Variants in KMT2C observed in about 807,000 individuals in gnomAD.
The protein encoded by KMT2C is lysine methyltransferase 2C, also known as histone-lysine N-methyltransferase 2C.
In KMT2C, 88 loss-of-function variants were observed where a neutral mutation model predicts 507.9. The ratio of observed to expected loss-of-function variants is 0.17; its 90% CI spans 0.15 to 0.21. KMT2C has a LOEUF of 0.21. KMT2C is among the 10% of genes least tolerant of loss of function. The probability of loss-of-function intolerance (pLI) is 1.00; values close to 1 mark genes in which losing one functional copy is unlikely to be tolerated. For synonymous variants in KMT2C, 2,049 were observed against 2,080.8 expected, an observed-to-expected ratio of 0.98 and a Z score of 0.42; for missense variants, 4,954 against 5,957.8, an observed-to-expected ratio of 0.83 and a Z score of 5.55.
At chr7:152,156,826 A>C (rs1201325799) in intron 44 of KMT2C, among the ~76,000 whole-genome samples, 1 of 152,162 alleles carries the variant, frequency 6.6e-6, no homozygotes, top group African/African-American at 2.4e-5. Flanking sequence ...GGATTGACTA[A>C]GACCTTTAAA....
chr7:152,215,444 G>A (rs2094549862), intron 23 of KMT2C, among the ~76,000 whole-genome samples: 1 of 149,428 alleles, frequency 6.7e-6, no homozygotes, highest in Non-Finnish European at 1.5e-5. Flanking sequence ...AACCCAGGAG[G>A]CGGAGCTTGC....
chr7:152,368,146 CA>C, intron 1 of KMT2C: 1 of 925,780 alleles, frequency 1.1e-6, no homozygotes, highest in Admixed American at 1.7e-5. Context: ...CAAAGGAAGG[CA>C]GTATCCTTGG....
At chr7:152,420,468 C>T (rs1237695554) in intron 1 of KMT2C, among the ~76,000 whole-genome samples, 1 of 152,146 alleles carries the variant, frequency 6.6e-6, no homozygotes, top group East Asian at 1.9e-4. Context: ...GGAACTTCTG[C>T]ACAGCAAAAG....
At chr7:152,432,601 T>C (rs1344099872) in intron 1 of KMT2C, among the ~76,000 whole-genome samples, 8 of 152,226 alleles carry the variant, frequency 5.3e-5, no homozygotes, top group African/African-American at 1.9e-4. Context: ...CTAAGATTAA[T>C]AGCTTCAGTT....
intron 14 of KMT2C, among the ~76,000 whole-genome samples, chr7:152,245,279 A>G (rs1211366418): frequency 1.3e-5 from 2 of 152,162 alleles, no homozygotes; most frequent in Admixed American, 1.3e-4. Flanking sequence ...TAATTCCGGA[A>G]CTGCTGTTTT....
In KMT2C at chr7:152,199,324, G is replaced by T. The variant is rs1369706727; in HGVS notation, c.4228C>A (p.Pro1410Thr). ...NTGFLDPSLD[P>T]LLSSSSAPTK... ...GGAGCCGAGGATGAACTAAGTAGTG[G>T]ATCTAAGGAAGGATCCAAGAAACCT... is the stretch of plus-strand genomic sequence containing the variant. Residue 1410 changes from proline (P) to threonine (T), a missense_variant, in exon 27 of 59, where the codon CCA becomes ACA. This residue lies in a region of KMT2C where 140 missense variants were observed against 118.4 expected (regional missense o/e 1.18). Coordinates refer to ENST00000262189, the MANE Select transcript of KMT2C (RefSeq NM_170606.3). 1.9e-6 allele frequency: 3 copies of T among 1,601,624 alleles called. No individual in the cohort carries two copies. The highest frequency in any genetic ancestry group is 2.6e-6 in the Non-Finnish European group (3 of 1,175,902).
chr7:152,377,602 G>A (rs1159332161), intron 1 of KMT2C, among the ~76,000 whole-genome samples: 8 of 152,004 alleles, frequency 5.3e-5, no homozygotes, highest in Non-Finnish European at 1.2e-4. Context: ...GGGCGTGGTG[G>A]CACACACCTG....
intron 1 of KMT2C, among the ~76,000 whole-genome samples, chr7:152,363,175 GTTT>G (rs1437483587): frequency 2.0e-5 from 3 of 152,168 alleles, no homozygotes; most frequent in African/African-American, 7.2e-5. Context: ...TCCAGTTTCA[GTTT>G]TTAAGGAAAG....
At position 152,182,093 on chromosome 7, in the gene KMT2C, C is replaced by T. The variant is rs779901881; in HGVS notation, c.5767G>A (p.Val1923Met). The T allele has an allele frequency of 1.2e-6, 2 of 1,614,204 alleles. No homozygotes were observed. The highest frequency in any genetic ancestry group is 2.2e-5 in the East Asian group (1 of 44,892). The stretch of plus-strand genomic sequence containing the variant: ...GATGATAAAGGTGTACAGTTTTCCA[C>T]TGGTGCAGCAGAATTTCTTCTGGAA... Reference protein sequence around the residue: ...SFSRRNSAAPVENCTPLSSVS... With the variant: ...SFSRRNSAAPMENCTPLSSVS... Residue 1923 changes from valine (V) to methionine (M), a missense_variant, in exon 36 of 59, where the codon GTG (valine) becomes ATG (methionine). By Grantham distance (21) the Val-to-Met change is conservative (BLOSUM62 1). This residue lies in a region of KMT2C where 1,689 missense variants were observed against 1,654.3 expected (regional missense o/e 1.02). Transcript: ENST00000262189.
chr7:152,241,161 CTA>C (rs2095375175), intron 14 of KMT2C, among the ~76,000 whole-genome samples: 1 of 152,168 alleles, frequency 6.6e-6, no homozygotes, highest in South Asian at 2.1e-4. Context: ...GAACACTTCA[CTA>C]TATCATTCCA....
In KMT2C at chr7:152,181,069, G is replaced by A. The variant is rs780064766; in HGVS notation, c.6791C>T (p.Pro2264Leu). The change falls in exon 36 of 59, where the codon CCG becomes CTG. Residue 2264 changes from proline to leucine, a missense_variant. Around this residue, in one of 29 missense-constraint regions of KMT2C, gnomAD observed 1,689 missense variants for 1,654.3 expected, o/e 1.02. Coordinates refer to ENST00000262189, the MANE Select transcript of KMT2C (RefSeq NM_170606.3). ...AQNRGPALPG[P>L]LVRPPDTCSQ... ...ACATGTATCAGGTGGCCTTACCAAC[G>A]GGCCAGGTAAAGCTGGTCCTCGGTT... The A allele has an allele frequency of 1.9e-5, 31 of 1,614,070 alleles. No homozygotes were observed. Among genetic ancestry groups the A allele is most frequent in the South Asian group, 2.2e-5 (2 of 91,092 alleles).
At chr7:152,422,820 A>C (rs1257973564) in intron 1 of KMT2C, among the ~76,000 whole-genome samples, 1 of 151,894 alleles carries the variant, frequency 6.6e-6, no homozygotes, top group Admixed American at 6.6e-5. Flanking sequence ...TCAGGAGATC[A>C]AGATCAACCT....
chr7:152,381,445 C>G (rs947912787), intron 1 of KMT2C, among the ~76,000 whole-genome samples: 2 of 151,996 alleles, frequency 1.3e-5, no homozygotes, highest in African/African-American at 4.8e-5. Context: ...GAGATACTGC[C>G]CATGACAAGG....
At chr7:152,164,778 A>C (rs1271616928) in intron 42 of KMT2C, among the ~76,000 whole-genome samples, 1 of 152,254 alleles carries the variant, frequency 6.6e-6, no homozygotes, top group African/African-American at 2.4e-5. Flanking sequence ...ATAATGGCTA[A>C]TATCAATTAA....
intron 26 of KMT2C, among the ~76,000 whole-genome samples, chr7:152,200,199 A>C (rs1230642702): frequency 3.3e-5 from 5 of 152,212 alleles, no homozygotes; most frequent in Admixed American, 1.3e-4. Context: ...TTGCAATACA[A>C]CATTTAACAC....
chr7:152,341,689 A>T (rs2096994379), intron 2 of KMT2C, among the ~76,000 whole-genome samples: 2 of 152,192 alleles, frequency 1.3e-5, no homozygotes, highest in South Asian at 4.1e-4. Flanking sequence ...GTTAGGGAAA[A>T]TTTTATCCAA....
At chr7:152,391,119 G>C (rs2097490779) in intron 1 of KMT2C, among the ~76,000 whole-genome samples, 2 of 108,330 alleles carry the variant, frequency 1.8e-5, no homozygotes, top group African/African-American at 7.5e-5. Context: ...ACTCCAGCCT[G>C]GGCGACAGAG....
intron 28 of KMT2C, 72 bp from the exon 29 acceptor site, chr7:152,194,640 C>T (rs1588110985): frequency 8.6e-7 from 1 of 1,160,214 alleles, no homozygotes; most frequent in Middle Eastern, 2.0e-4. Context: ...GCACTATTTA[C>T]CTGTACTTAG....
rs2129166539 is a variant in KMT2C, at chr7:152,251,975, G to A, written c.1585C>T (p.Pro529Ser). The A allele has an allele frequency of 6.2e-7, 1 of 1,611,884 alleles. No homozygotes were observed. The highest frequency in any genetic ancestry group is 8.5e-7 in the Non-Finnish European group (1 of 1,178,890). Residue 529 changes from proline (P) to serine (S), a missense_variant, in exon 11 of 59, where the codon CCA (proline) becomes TCA (serine). Around this residue, in one of 29 missense-constraint regions of KMT2C, gnomAD observed 376 missense variants for 352.4 expected, o/e 1.07. Transcript: ENST00000262189. Reference protein sequence around the residue: ...HLGAEMDRLQPGEEVEIAELT... With the variant: ...HLGAEMDRLQSGEEVEIAELT... The stretch of plus-strand genomic sequence containing the variant: ...TCAGCTATCTCCACTTCCTCACCTG[G>A]CTGTAAACGATCCATCTCAGCTCCC...
Sources: allele counts gnomAD v4.1 joint callset (sites outside exome capture counted in the v4.1 genomes callset), GRCh38; gene constraint gnomAD v4.1.1; regional missense constraint gnomAD v4.1.1; transcripts MANE v1.5; gene names NCBI Gene and HGNC (gene_info 2026-07-23, HGNC 2026-07-21).